Variants in RTL4 observed in about 807,000 individuals in gnomAD.
RTL4 encodes the protein retrotransposon Gag like 4, also known as retrotransposon Gag-like protein 4.
Under a neutral mutation model 5.3 loss-of-function variants are expected in RTL4, and 4 were observed. The ratio of observed to expected loss-of-function variants is 0.75; its 90% CI spans 0.37 to 1.72. The LOEUF is 1.72. Ranked by LOEUF, RTL4 falls within the 40% of genes most tolerant of loss-of-function variation. RTL4 has a pLI of 0.04. For missense variants in RTL4, 260 were observed against 227.1 expected, an observed-to-expected ratio of 1.14 and a Z score of -0.93; for synonymous variants, 98 against 87.3, an observed-to-expected ratio of 1.12 and a Z score of -0.68.
chrX:112,362,125 G>A, the RTL4 span, among the ~76,000 whole-genome samples: 6 of 112,007 alleles, frequency 5.4e-5, no homozygotes, highest in Non-Finnish European at 3.8e-5. Context: ...TGACAGCAAC[G>A]ATATCTCGGC....
At chrX:112,189,547 C>T in the RTL4 span, among the ~76,000 whole-genome samples, 1 of 110,762 alleles carries the variant, frequency 9.0e-6, no homozygotes, top group Non-Finnish European at 1.9e-5. Context: ...CAGATCACCT[C>T]AGGTCAGGAG....
the RTL4 span, among the ~76,000 whole-genome samples, chrX:112,350,664 G>C: frequency 9.0e-6 from 1 of 111,460 alleles, no homozygotes; most frequent in African/African-American, 3.3e-5. Flanking sequence ...AGAGGTGTTT[G>C]TAGTATTCTC....
chrX:112,428,913 CT>C, the RTL4 span, among the ~76,000 whole-genome samples: 1 of 111,433 alleles, frequency 9.0e-6, no homozygotes, highest in South Asian at 3.7e-4. Context: ...CCCTTTACCC[CT>C]AATAACTTTC....
At chrX:112,313,337 TA>T in the RTL4 span, among the ~76,000 whole-genome samples, 1 of 111,028 alleles carries the variant, frequency 9.0e-6, no homozygotes, top group Non-Finnish European at 1.9e-5. Flanking sequence ...TTGTGGTAGT[TA>T]GGGGAGATAA....
At chrX:112,137,573 C>G in the RTL4 span, among the ~76,000 whole-genome samples, 4 of 111,342 alleles carry the variant, frequency 3.6e-5, no homozygotes, top group Non-Finnish European at 7.5e-5. Flanking sequence ...GAAACCACCC[C>G]CATGATCCAA....
the RTL4 span, among the ~76,000 whole-genome samples, chrX:112,113,847 C>T: frequency 8.9e-6 from 1 of 111,953 alleles, no homozygotes; most frequent in Non-Finnish European, 1.9e-5. Flanking sequence ...CTCTCTGAAC[C>T]AGCAAGGTTT....
At chrX:112,441,999 G>T in the RTL4 span, among the ~76,000 whole-genome samples, 2 of 111,754 alleles carry the variant, frequency 1.8e-5, no homozygotes, top group South Asian at 7.4e-4. Context: ...AACATACTAA[G>T]TGAAAGAAGC....
the RTL4 span, among the ~76,000 whole-genome samples, chrX:112,375,754 G>C: frequency 9.0e-6 from 1 of 111,456 alleles, no homozygotes; most frequent in African/African-American, 3.3e-5. Context: ...GGGGAGTGAT[G>C]ACGGTAGAAT....
At chrX:112,338,057 G>A in the RTL4 span, among the ~76,000 whole-genome samples, 1 of 111,872 alleles carries the variant, frequency 8.9e-6, no homozygotes, top group African/African-American at 3.2e-5. Flanking sequence ...CCTTCTCTAT[G>A]AGAATTCATA....
At chrX:112,455,385 T>C (rs7053563) in exon 1 of RTL4, 276,108 of 1,208,401 alleles carry the variant, frequency 0.23, 23,143 homozygotes, top group African/African-American at 0.44. Flanking sequence ...ACAAGAAACA[T>C]AGTGACAGGC....
chrX:112,191,893 CAT>C, the RTL4 span, among the ~76,000 whole-genome samples: 8 of 111,673 alleles, frequency 7.2e-5, no homozygotes, highest in Non-Finnish European at 5.7e-5. Context: ...ATGTCTTTCA[CAT>C]GTTTCTCAGT....
the RTL4 span, among the ~76,000 whole-genome samples, chrX:112,439,620 T>A: frequency 6.2e-3 from 698 of 112,124 alleles, 6 homozygotes; most frequent in African/African-American, 0.022. Flanking sequence ...CTCATGTTGA[T>A]CCCCAATGTT....
At chrX:112,456,575 GTAGCATGTCC>G (rs1481381765) in exon 1 of RTL4, 6 of 288,528 alleles carry the variant, frequency 2.1e-5, no homozygotes, top group African/African-American at 1.7e-4. Flanking sequence ...TACTGTATCT[GTAGCATGTCC>G]TTGCTGCCTT....
At chrX:112,333,744 C>T in the RTL4 span, among the ~76,000 whole-genome samples, 1 of 111,214 alleles carries the variant, frequency 9.0e-6, no homozygotes, top group Non-Finnish European at 1.9e-5. Flanking sequence ...GTAATAATCA[C>T]ATCATGGGGA....
At chrX:112,273,586 A>T in the RTL4 span, among the ~76,000 whole-genome samples, 2 of 111,683 alleles carry the variant, frequency 1.8e-5, no homozygotes, top group Non-Finnish European at 3.8e-5. Context: ...GCATGCAAAG[A>T]TTTCAGCACA....
At chrX:112,099,025 T>C in the RTL4 span, among the ~76,000 whole-genome samples, 1 of 111,781 alleles carries the variant, frequency 8.9e-6, no homozygotes, top group African/African-American at 3.3e-5. Context: ...AAAGCCAAAA[T>C]TGACAAATGG....
the RTL4 span, among the ~76,000 whole-genome samples, chrX:112,155,717 G>T: frequency 2.1e-4 from 23 of 111,466 alleles, 1 homozygote; most frequent in Admixed American, 2.2e-3. Context: ...ATGCTTCTTA[G>T]ATTGTTGCAA....
the RTL4 span, among the ~76,000 whole-genome samples, chrX:112,405,880 C>A: frequency 1.8e-5 from 2 of 111,072 alleles, no homozygotes; most frequent in Non-Finnish European, 3.8e-5. Context: ...CACCTCCCAG[C>A]AGCAATGGCA....
the RTL4 span, among the ~76,000 whole-genome samples, chrX:112,419,034 A>ATATATATATATATATATCT: frequency 8.1e-3 from 13 of 1,605 alleles, no homozygotes; most frequent in Non-Finnish European, 0.37. Context: ...CACATAAGAT[A>ATATATATATATATATATCT]TATATATATA....
Sources: gnomAD v4.1 joint callset for allele counts (sites outside exome capture counted in the v4.1 genomes callset) on GRCh38, gnomAD v4.1.1 for gene constraint, MANE v1.5 for transcripts, NCBI Gene and HGNC (gene_info 2026-07-23, HGNC 2026-07-21) for gene names.